GRIN2A: variants seen among roughly 807,000 people sequenced by gnomAD.
The protein encoded by GRIN2A is glutamate ionotropic receptor NMDA type subunit 2A.
In GRIN2A, 22 loss-of-function variants were observed where a neutral mutation model predicts 113.4. The ratio of observed to expected loss-of-function variants is 0.19; its 90% confidence interval spans 0.14 to 0.28. The LOEUF (loss-of-function observed/expected upper bound fraction) is 0.28, where lower values mean the gene tolerates loss of function less well. Ranked by LOEUF, GRIN2A falls within the 10% of genes least tolerant of loss-of-function variation. GRIN2A has a pLI of 1.00. For synonymous variants in GRIN2A, 827 were observed against 738.4 expected (o/e 1.12, Z -1.94); for missense variants, 1,502 against 1,887.0 (o/e 0.80, Z 3.78).
At chr16:9,966,152 T>C (rs1320757608) in intron 2 of GRIN2A, among the ~76,000 whole-genome samples, 1 of 152,182 alleles carries the variant, frequency 6.6e-6, no homozygotes, top group East Asian at 1.9e-4. Flanking sequence ...AGGATACACA[T>C]GCAGATTTGT....
At chr16:9,933,988 G>T (rs371461847) in intron 3 of GRIN2A, among the ~76,000 whole-genome samples, 36 of 152,310 alleles carry the variant, frequency 2.4e-4, no homozygotes, top group Non-Finnish European at 4.3e-4. Context: ...ACATGGATTT[G>T]GATGTAAACC....
intron 3 of GRIN2A, among the ~76,000 whole-genome samples, chr16:9,924,116 A>AC (rs1328326914): frequency 6.7e-6 from 1 of 150,060 alleles, no homozygotes; most frequent in African/African-American, 2.5e-5. Flanking sequence ...GTCTCAAAAA[A>AC]AAAAAAAAAA....
chr16:10,050,687 C>T (rs1333110425), intron 2 of GRIN2A, among the ~76,000 whole-genome samples: 3 of 151,986 alleles, frequency 2.0e-5, no homozygotes, highest in African/African-American at 4.8e-5. Flanking sequence ...ATAAAGTACA[C>T]AATAAATGGA....
At chr16:10,005,827 A>G (rs1226517061) in intron 2 of GRIN2A, among the ~76,000 whole-genome samples, 3 of 152,238 alleles carry the variant, frequency 2.0e-5, no homozygotes, top group Admixed American at 2.0e-4. Context: ...GGAAGTTTTC[A>G]TCCAGTGAAA....
At chr16:10,068,166 C>T (rs531248734) in intron 2 of GRIN2A, among the ~76,000 whole-genome samples, 1 of 152,360 alleles carries the variant, frequency 6.6e-6, no homozygotes, top group South Asian at 2.1e-4. Flanking sequence ...TCACTCAGTT[C>T]TTTAACCAAC....
intron 11 of GRIN2A, among the ~76,000 whole-genome samples, chr16:9,776,118 A>T (rs1901586246): frequency 6.6e-6 from 1 of 152,176 alleles, no homozygotes; most frequent in Admixed American, 6.5e-5. Context: ...AACCCATTAC[A>T]GTCTACTCTG....
chr16:9,798,464 C>T lies in GRIN2A; in HGVS notation c.2169G>A (p.Gly723=), dbSNP rs771808833. Residue 723 remains glycine, a splice_region_variant and synonymous_variant, in exon 11 of 13, where the codon GGG becomes GGA. Coordinates refer to ENST00000330684, the MANE Select transcript of GRIN2A (RefSeq NM_001134407.3). Reference sequence around the variant, plus strand: ...CATCGTAGATGAAAGCGTCCAGCTTCCTGAAATGACAAGAAACCAGGGGGT... The same window carrying T: ...CATCGTAGATGAAAGCGTCCAGCTTTCTGAAATGACAAGAAACCAGGGGGT... The part of the protein sequence containing the change: ...VEDALVSLKT[G]KLDAFIYDAA... 1.2e-5 allele frequency: 20 copies of T among 1,613,782 alleles called. No homozygotes were observed. The highest frequency in any genetic ancestry group is 2.2e-5 in the South Asian group (2 of 91,082).
intron 7 of GRIN2A, 36 bp downstream of exon 7, chr16:9,840,611 T>C (rs774616322): frequency 2.5e-6 from 4 of 1,593,450 alleles, no homozygotes; most frequent in Middle Eastern, 1.7e-4. Context: ...TACAATTCCT[T>C]ATAGGAAAGC....
chr16:10,113,058 C>A (rs2048651047), intron 2 of GRIN2A, among the ~76,000 whole-genome samples: 1 of 152,066 alleles, frequency 6.6e-6, no homozygotes. Flanking sequence ...CTGAGCATCC[C>A]CTACAGAGTC....
At chr16:10,076,863 T>C (rs1224284822) in intron 2 of GRIN2A, among the ~76,000 whole-genome samples, 1 of 152,162 alleles carries the variant, frequency 6.6e-6, no homozygotes, top group Non-Finnish European at 1.5e-5. Flanking sequence ...CCCAACAAGG[T>C]CCACACCCTA....
intron 2 of GRIN2A, among the ~76,000 whole-genome samples, chr16:10,056,585 T>C (rs774885929): frequency 4.6e-5 from 7 of 152,182 alleles, no homozygotes; most frequent in Non-Finnish European, 1.0e-4. Context: ...TTGTAGATGT[T>C]ATCAACTAAA....
intron 2 of GRIN2A, among the ~76,000 whole-genome samples, chr16:9,990,184 T>C (rs2046073432): frequency 6.6e-6 from 1 of 152,164 alleles, no homozygotes; most frequent in African/African-American, 2.4e-5. Flanking sequence ...ATATACACTA[T>C]GGAATGCTAC....
intron 9 of GRIN2A, among the ~76,000 whole-genome samples, chr16:9,826,471 T>C (rs1273081674): frequency 6.6e-6 from 1 of 152,198 alleles, no homozygotes; most frequent in African/African-American, 2.4e-5. Context: ...CAAGCACTAA[T>C]GGCTTAAAAG....
chr16:9,873,667 G>C (rs1596525462), intron 4 of GRIN2A, among the ~76,000 whole-genome samples: 1 of 152,208 alleles, frequency 6.6e-6, no homozygotes. Flanking sequence ...GCAGAAGAAG[G>C]CTGAACAAGT....
chr16:9,913,607 T>C (rs1371274708), intron 3 of GRIN2A, among the ~76,000 whole-genome samples: 1 of 152,222 alleles, frequency 6.6e-6, no homozygotes, highest in Non-Finnish European at 1.5e-5. Context: ...TCAGCAGCTC[T>C]GGAACTAAGC....
chr16:10,064,918 C>G (rs549059357), intron 2 of GRIN2A, among the ~76,000 whole-genome samples: 1 of 152,258 alleles, frequency 6.6e-6, no homozygotes, highest in Non-Finnish European at 1.5e-5. Flanking sequence ...CGGACGAATC[C>G]CCATGCCTCA....
intron 2 of GRIN2A, among the ~76,000 whole-genome samples, chr16:9,977,195 G>T (rs544474533): frequency 6.6e-6 from 1 of 152,010 alleles, no homozygotes. Context: ...GGGAGGCTGA[G>T]GCAGGAGGAT....
chr16:10,108,970 A>C (rs2048553619), intron 2 of GRIN2A, among the ~76,000 whole-genome samples: 1 of 151,576 alleles, frequency 6.6e-6, no homozygotes. Flanking sequence ...AAGCTAATTA[A>C]GAAATAACAG....
In GRIN2A at chr16:9,757,381, G is replaced by A. The variant is rs1283983902; in HGVS notation, c.*5768C>T. On this transcript the variant is annotated 3_prime_UTR_variant, in exon 13 of 13. Transcript: ENST00000330684. ...GACTTTTTTTTTTTTTTTAAAAAAGGTATGCTCATAGAATCAGATTATTTT... is the reference window on the plus strand; with the variant it reads ...GACTTTTTTTTTTTTTTTAAAAAAGATATGCTCATAGAATCAGATTATTTT... The A allele has an allele frequency of 2.2e-5, 5 of 224,078 alleles. No homozygotes were observed. Among genetic ancestry groups the A allele is most frequent in the Non-Finnish European group, 4.4e-5 (5 of 113,126 alleles). The allele number at this position is 224,078 out of a possible 1,614,324, so 13.9% of individuals were successfully genotyped here. A position where few individuals can be genotyped will look rare whatever the true frequency, so the allele number is the denominator to read the frequency against.
Sources: gnomAD v4.1 joint callset for allele counts (sites outside exome capture counted in the v4.1 genomes callset) on GRCh38, gnomAD v4.1.1 for gene constraint, MANE v1.5 for transcripts, NCBI Gene and HGNC (gene_info 2026-07-23, HGNC 2026-07-21) for gene names.